Variants in ARHGEF11 observed in about 807,000 individuals in gnomAD.
ARHGEF11 encodes Rho guanine nucleotide exchange factor 11, also known as Rho guanine exchange factor (GEF) 11.
ARHGEF11 carries 55 observed loss-of-function variants against 193.7 expected under a neutral mutation model. The observed-to-expected ratio is 0.28, with a 90% CI of 0.23 to 0.36. The LOEUF (loss-of-function observed/expected upper bound fraction) is 0.36. Ranked by LOEUF, ARHGEF11 falls within the 10% of genes least tolerant of loss-of-function variation. The pLI is 1.00. For missense variants in ARHGEF11, 1,723 were observed against 2,005.6 expected, an observed-to-expected ratio of 0.86 and a Z score of 2.69; for synonymous variants, 693 against 768.0, an observed-to-expected ratio of 0.90 and a Z score of 1.62.
intron 1 of ARHGEF11, among the ~76,000 whole-genome samples, chr1:157,003,456 C>T (rs1163564273): frequency 6.6e-6 from 1 of 152,260 alleles, no homozygotes; most frequent in African/African-American, 2.4e-5. Context: ...AATTCAGATT[C>T]TGCTAACATA....
intron 35 of ARHGEF11, 73 bp from the exon 36 acceptor site, chr1:156,940,498 T>C (rs1233145212): frequency 5.0e-6 from 7 of 1,411,736 alleles, no homozygotes; most frequent in Non-Finnish European, 6.7e-6. Context: ...ATGGGCAGCT[T>C]TGGAGCCAAG....
In ARHGEF11 at chr1:156,984,398, T is replaced by A. The variant is rs1357530085; in HGVS notation, c.164A>T (p.His55Leu). Residue 55 changes from histidine (H) to leucine (L), a missense_variant, in exon 3 of 41, where the codon CAT (histidine) becomes CTT (leucine). Around this residue, in one of 5 missense-constraint regions of ARHGEF11, gnomAD observed 646 missense variants for 710.7 expected, o/e 0.91. Coordinates refer to ENST00000368194, the MANE Select transcript of ARHGEF11 (RefSeq NM_198236.3). ...QRCVIIQKDQ[H>L]GFGFTVSGDR... ...CCCACTGACTGTGAAGCCGAAGCCA[T>A]GCTGGTCCTTTTGGATAATGACACA... 2 of 1,599,470 alleles carry A rather than the reference T, an allele frequency of 1.3e-6. No individual in the cohort carries two copies. The highest frequency in any genetic ancestry group is 1.7e-6 in the Non-Finnish European group (2 of 1,172,914).
chr1:156,969,322 C>T lies in ARHGEF11; in HGVS notation c.785G>A (p.Gly262Asp), dbSNP rs145547977. Residue 262 changes from glycine to aspartate, a missense_variant, in exon 10 of 41, where the codon GGC becomes GAC. Gly to Asp is a moderately conservative substitution (Grantham distance 94, BLOSUM62 -1). Around this residue, in one of 5 missense-constraint regions of ARHGEF11, gnomAD observed 646 missense variants for 710.7 expected, o/e 0.91. Transcript: ENST00000368194. ...AAAGCGTTCTGTCCCAGAGTCCAAG[C>T]CACTGTCCCCCTCCTGGGAATCCAG... ...LSLDSQEGDS[G>D]LDSGTERFPS... 305 of 1,608,922 alleles carry T rather than the reference C, an allele frequency of 1.9e-4. 2 individuals are homozygous for T. In the African/African-American group the frequency reaches 3.7e-3, roughly 19 times the overall value.
In ARHGEF11 at chr1:156,936,499, T is replaced by TAAAAAA. The variant is rs1389872908; in HGVS notation, c.4630+316_4630+317insTTTTTT. 1.8e-3 allele frequency among the ~76,000 whole-genome samples: 138 copies of TAAAAAA among 74,892 alleles called. 4 individuals are homozygous for TAAAAAA. Among genetic ancestry groups the TAAAAAA allele is most frequent in the African/African-American group, 0.011 (129 of 11,348 alleles). 49.1% of individuals were successfully genotyped at this position (74,892 alleles called of 152,430 possible). Reference sequence around the variant, plus strand: ...TAAATAGAAAAAAAAAAAAAAAAAATATATATATATATATATATATATATA... The same window carrying TAAAAAA: ...TAAATAGAAAAAAAAAAAAAAAAAATAAAAAAATATATATATATATATATATATATA... On this transcript the variant is annotated intron_variant, in intron 40 of 40. Transcript: ENST00000368194.
Position 156,994,392 on chromosome 1 carries a change from G to GTGTT in ARHGEF11, c.33-8220_33-8219insAACA, listed in dbSNP as rs1553220937. 5.7e-4 allele frequency among the ~76,000 whole-genome samples: 82 copies of GTGTT among 144,102 alleles called. 1 individual carries two copies. Among genetic ancestry groups the GTGTT allele is most frequent in the East Asian group, 4.0e-3 (20 of 4,964 alleles). The allele number at this position is 144,102 out of a possible 152,430, so 94.5% of individuals were successfully genotyped here. A position where few individuals can be genotyped will look rare whatever the true frequency, so the allele number is the denominator to read the frequency against. ...CCCTCTGCAAATGGTTTTATTGTGT[G>GTGTT]TTTTTTTTTTTTTTCAGGTGTACAG... On this transcript the variant is annotated intron_variant, in intron 1 of 40. Transcript: ENST00000368194.
rs111847733 is a variant in ARHGEF11 at position 156,978,421 on chromosome 1, G to C, written c.332-39C>G. The C allele has an allele frequency of 3.0e-5, 46 of 1,543,418 alleles. No homozygotes were observed. The African/African-American group carries it at 4.4e-4, about 15-fold the overall frequency. ...GAGAGAGACTTGTTCCAGGAGTGCT[G>C]TTCTGGAGAGACAGTCCAGCTATAC... On this transcript the variant is annotated intron_variant, in intron 5 of 40. Transcript: ENST00000368194.
chr1:156,979,269 C>T lies in ARHGEF11; in HGVS notation c.291G>A (p.Val97=). The T allele has an allele frequency of 6.2e-7, 1 of 1,613,958 alleles. No homozygotes were observed. The highest frequency in any genetic ancestry group is 8.5e-7 in the Non-Finnish European group (1 of 1,179,952). The change falls in exon 5 of 41, where the codon GTG becomes GTA. Residue 97 remains valine (V), a synonymous_variant. Coordinates refer to ENST00000368194, the MANE Select transcript of ARHGEF11 (RefSeq NM_198236.3). ...CCACTTCCAGGTGTGAGCTATTGGT[C>T]ACCATGGTGCCGTTGACCTGTTGGA... ...DRIIKVNGTM[V]TNSSHLEVVK...
chr1:156,955,332 T>C (rs1025579963), intron 20 of ARHGEF11, among the ~76,000 whole-genome samples: 1 of 152,178 alleles, frequency 6.6e-6, no homozygotes, highest in Admixed American at 6.5e-5. Context: ...CGCCCGCATC[T>C]ATACTACTGT....
chr1:156,960,132 G>A (rs1238615570), intron 15 of ARHGEF11, among the ~76,000 whole-genome samples: 2 of 152,072 alleles, frequency 1.3e-5, no homozygotes, highest in African/African-American at 4.8e-5. Flanking sequence ...AGGTCATGTA[G>A]AAGGCTGGCA....
chr1:156,963,816 A>C, intron 11 of ARHGEF11: 1 of 1,369,174 alleles, frequency 7.3e-7, no homozygotes, highest in South Asian at 1.7e-5. Context: ...GATTCAGAGC[A>C]GCCTGGTCAC....
chr1:156,957,383 A>G (rs1660106810), intron 18 of ARHGEF11, among the ~76,000 whole-genome samples: 1 of 152,156 alleles, frequency 6.6e-6, no homozygotes. Flanking sequence ...ACTATGCTGC[A>G]CCCCAGCTCC....
intron 1 of ARHGEF11, among the ~76,000 whole-genome samples, chr1:156,999,752 C>T (rs1172022570): frequency 6.6e-6 from 1 of 152,074 alleles, no homozygotes; most frequent in Admixed American, 6.5e-5. Context: ...GCATCTGTCA[C>T]AGGGACTTGC....
At position 157,045,279 on chromosome 1, in the gene ARHGEF11, A is replaced by T. The variant is rs1673201696; in HGVS notation, c.-949T>A. On this transcript the variant is annotated 5_prime_UTR_variant, in exon 1 of 41. Transcript: ENST00000368194. ...TACGTTCGGCCTTTTTCTGAAAGAC[A>T]ATTTCCTGAGTTAGTTCTGCTGTTG... The T allele has an allele frequency of 6.6e-6, 1 of 152,128 alleles. No homozygotes were observed. The highest frequency in any genetic ancestry group is 1.5e-5 in the Non-Finnish European group (1 of 68,036). The allele number at this position is 152,128 out of a possible 1,614,324, so 9.4% of individuals were successfully genotyped here.
intron 1 of ARHGEF11, among the ~76,000 whole-genome samples, chr1:157,027,168 C>T (rs2102967562): frequency 6.6e-6 from 1 of 152,232 alleles, no homozygotes; most frequent in Non-Finnish European, 1.5e-5. Flanking sequence ...TCGCTTGAGC[C>T]TAGGATCACT....
rs1165997111 is a variant in ARHGEF11 at position 157,044,816 on chromosome 1, C to T, written c.-486G>A. 2 of 306,994 alleles carry T rather than the reference C, an allele frequency of 6.5e-6. No individual in the cohort carries two copies. 19.0% of individuals were successfully genotyped at this position (306,994 alleles called of 1,614,324 possible). Reference sequence around the variant, plus strand: ...CAAAGGGGGAAAGTAATTTTCTAGTCTCCAATGCTTAATATGACAACAGCA... The same window carrying T: ...CAAAGGGGGAAAGTAATTTTCTAGTTTCCAATGCTTAATATGACAACAGCA... On this transcript the variant is annotated 5_prime_UTR_variant, in exon 1 of 41. Transcript: ENST00000368194.
Position 156,946,950 on chromosome 1 carries a change from G to A in ARHGEF11, c.2554C>T (p.Leu852Phe), listed in dbSNP as rs1356718570. The A allele has an allele frequency of 1.2e-6, 2 of 1,613,914 alleles. No homozygotes were observed. Among genetic ancestry groups the A allele is most frequent in the Non-Finnish European group, 1.7e-6 (2 of 1,180,020 alleles). ...EGPIIKEISD[L>F]MLARFDGPAR... ...TGGAGCCATACCCGGGCCAGCATGA[G>A]GTCACTGATCTCTTTGATGATGGGG... The change falls in exon 27 of 41, where the codon CTC becomes TTC. Residue 852 changes from leucine (L) to phenylalanine (F), a missense_variant. Around this residue, in one of 5 missense-constraint regions of ARHGEF11, gnomAD observed 491 missense variants for 654.5 expected, o/e 0.75. Transcript: ENST00000368194.
At chr1:157,003,864 G>A (rs778702132) in intron 1 of ARHGEF11, among the ~76,000 whole-genome samples, 6 of 152,156 alleles carry the variant, frequency 3.9e-5, no homozygotes, top group Non-Finnish European at 7.3e-5. Flanking sequence ...ACTATTACAC[G>A]GGATTGTTAA....
chr1:157,032,527 C>G (rs1232298738), intron 1 of ARHGEF11, among the ~76,000 whole-genome samples: 2 of 152,176 alleles, frequency 1.3e-5, no homozygotes, highest in Non-Finnish European at 2.9e-5. Context: ...AACAAGCTCT[C>G]CAGCTGATTC....
chr1:156,971,171 A>C (rs1357748680), intron 8 of ARHGEF11, among the ~76,000 whole-genome samples: 4 of 152,230 alleles, frequency 2.6e-5, no homozygotes, highest in Admixed American at 6.5e-5. Context: ...ATAGATAAAG[A>C]ATCATCTACT....
Sources: gnomAD v4.1 joint callset for allele counts (sites outside exome capture counted in the v4.1 genomes callset) on GRCh38, gnomAD v4.1.1 for gene constraint, gnomAD v4.1.1 regional missense constraint, MANE v1.5 for transcripts, NCBI Gene and HGNC (gene_info 2026-07-23, HGNC 2026-07-21) for gene names.